The following CNTN3 variants were observed in gnomAD, a reference collection of about 807,000 sequenced individuals.
The protein encoded by CNTN3 is contactin-3.
CNTN3 carries 60 observed loss-of-function variants against 119.1 expected under a neutral mutation model. The ratio of observed to expected loss-of-function variants is 0.50; its 90% CI spans 0.41 to 0.62. The LOEUF is 0.62. Ranked by LOEUF, CNTN3 falls within the 20% of genes least tolerant of loss-of-function variation. CNTN3 has a pLI of 0.00. For missense variants in CNTN3, 1,101 were observed against 1,242.4 expected, an observed-to-expected ratio of 0.89 and a Z score of 1.71; for synonymous variants, 450 against 438.7, an observed-to-expected ratio of 1.03 and a Z score of -0.32.
chr3:74,567,846 A>G (rs1204017140), intron 1 of CNTN3, among the ~76,000 whole-genome samples: 3 of 152,136 alleles, frequency 2.0e-5, no homozygotes, highest in African/African-American at 7.2e-5. Context: ...GATTCAATAC[A>G]CTGTTGGTTA....
chr3:74,611,733 T>G (rs369582635), intron 1 of CNTN3, among the ~76,000 whole-genome samples: 18 of 152,206 alleles, frequency 1.2e-4, no homozygotes, highest in East Asian at 7.7e-4. Flanking sequence ...TATATATGCA[T>G]GTTAAAAGTA....
At chr3:74,578,182 T>G (rs1002711956) in intron 1 of CNTN3, among the ~76,000 whole-genome samples, 2 of 146,164 alleles carry the variant, frequency 1.4e-5, no homozygotes, top group African/African-American at 5.0e-5. Context: ...GTAAGACAAT[T>G]AAATAACCCC....
At chr3:74,454,441 C>G (rs1242473579) in intron 4 of CNTN3, among the ~76,000 whole-genome samples, 1 of 151,796 alleles carries the variant, frequency 6.6e-6, no homozygotes, top group African/African-American at 2.4e-5. Flanking sequence ...ATACAACACA[C>G]TGATGGGTCT....
intron 11 of CNTN3, among the ~76,000 whole-genome samples, chr3:74,344,390 C>T (rs1478167841): frequency 7.9e-6 from 1 of 127,094 alleles, no homozygotes; most frequent in South Asian, 2.6e-4. Context: ...TACAACCTTA[C>T]ACAGTGGTTT....
chr3:74,437,170 T>C (rs918348351), intron 4 of CNTN3, among the ~76,000 whole-genome samples: 36 of 152,104 alleles, frequency 2.4e-4, no homozygotes, highest in African/African-American at 8.2e-4. Flanking sequence ...TTAAAAACCA[T>C]GTTTCTGGCC....
At chr3:74,311,984 A>G (rs1197583714) in intron 13 of CNTN3, among the ~76,000 whole-genome samples, 1 of 148,912 alleles carries the variant, frequency 6.7e-6, no homozygotes, top group East Asian at 2.0e-4. Flanking sequence ...TGAGTTAAAA[A>G]CTCCACGAAG....
At chr3:74,336,386 T>C in intron 12 of CNTN3, 145 bp downstream of exon 12, 1 of 833,582 alleles carries the variant, frequency 1.2e-6, no homozygotes, top group African/African-American at 1.7e-5. Flanking sequence ...CCCTTGACTT[T>C]CACCTGTTAA....
intron 1 of CNTN3, among the ~76,000 whole-genome samples, chr3:74,591,559 T>C (rs938810234): frequency 6.6e-6 from 1 of 151,788 alleles, no homozygotes; most frequent in African/African-American, 2.4e-5. Flanking sequence ...GTAGTCACTG[T>C]AATGCTATAA....
chr3:74,531,756 A>AG (rs796846791), intron 1 of CNTN3, among the ~76,000 whole-genome samples: 21 of 152,082 alleles, frequency 1.4e-4, no homozygotes, highest in African/African-American at 5.1e-4. Context: ...AGGAAAGCTA[A>AG]GGGTGCAGAG....
Position 74,486,554 on chromosome 3 carries a change from A to G in CNTN3, c.260T>C (p.Ile87Thr). 1 of 1,610,320 alleles carries G rather than the reference A, an allele frequency of 6.2e-7. No homozygotes were observed. The highest frequency in any genetic ancestry group is 8.5e-7 in the Non-Finnish European group (1 of 1,179,168). Reference sequence around the variant, plus strand: ...TGTATCCCAATTTCTGTTGGGATTAATAACCACAAGATTTCCTCCATTCAA... The same window carrying G: ...TGTATCCCAATTTCTGTTGGGATTAGTAACCACAAGATTTCCTCCATTCAA... Reference protein sequence around the residue: ...YKLNGGNLVVINPNRNWDTGT... With the variant: ...YKLNGGNLVVTNPNRNWDTGT... The change falls in exon 4 of 23, where the codon ATT (isoleucine) becomes ACT (threonine). Residue 87 changes from isoleucine to threonine, a missense_variant. By Grantham distance (89) the Ile-to-Thr change is moderately conservative. Coordinates refer to ENST00000263665, the MANE Select transcript of CNTN3 (RefSeq NM_020872.3).
At chr3:74,460,095 T>G (rs1227406472) in intron 4 of CNTN3, among the ~76,000 whole-genome samples, 1 of 152,004 alleles carries the variant, frequency 6.6e-6, no homozygotes, top group Non-Finnish European at 1.5e-5. Flanking sequence ...TACTTTCAGA[T>G]TCTCTATTTT....
chr3:74,444,745 A>G (rs1435934704), intron 4 of CNTN3, among the ~76,000 whole-genome samples: 1 of 152,166 alleles, frequency 6.6e-6, no homozygotes, highest in African/African-American at 2.4e-5. Context: ...CATTTTCAGC[A>G]AAAACTTAAA....
At chr3:74,291,427 T>A (rs113209599) in intron 19 of CNTN3, among the ~76,000 whole-genome samples, 1 of 152,174 alleles carries the variant, frequency 6.6e-6, no homozygotes, top group Admixed American at 6.5e-5. Flanking sequence ...GTAATGGGAT[T>A]GCTGGGTCAA....
At chr3:74,530,906 C>T (rs1206245283) in intron 1 of CNTN3, among the ~76,000 whole-genome samples, 2 of 151,852 alleles carry the variant, frequency 1.3e-5, no homozygotes, top group African/African-American at 4.8e-5. Flanking sequence ...CATGGAAGAA[C>T]CACTGGAAGA....
Position 74,558,623 on chromosome 3 carries a change from T to G in CNTN3, c.-80-37431A>C, listed in dbSNP as rs563871691. ...CTTGATCCACTATTGACTATCTCTT[T>G]GCCCTTCAGTAAATTACTTGACATT... On this transcript the variant is annotated intron_variant, in intron 1 of 22. Coordinates refer to ENST00000263665, the MANE Select transcript of CNTN3 (RefSeq NM_020872.3). Among the ~76,000 whole-genome samples the G allele has an allele frequency of 3.3e-5, 5 of 152,306 alleles. No individual in the cohort carries two copies. In the South Asian group the frequency reaches 1.0e-3, roughly 32 times the overall value.
intron 1 of CNTN3, among the ~76,000 whole-genome samples, chr3:74,554,640 G>T (rs1704042669): frequency 6.6e-6 from 1 of 152,102 alleles, no homozygotes; most frequent in Non-Finnish European, 1.5e-5. Flanking sequence ...CACATCCCTT[G>T]TAAGTTGGAC....
intron 5 of CNTN3, among the ~76,000 whole-genome samples, chr3:74,406,770 A>G (rs1195010118): frequency 6.6e-6 from 1 of 151,856 alleles, no homozygotes; most frequent in African/African-American, 2.4e-5. Context: ...ATATATGCAC[A>G]CACACATACA....
chr3:74,539,466 C>G (rs1250452323), intron 1 of CNTN3, among the ~76,000 whole-genome samples: 1 of 152,038 alleles, frequency 6.6e-6, no homozygotes, highest in Non-Finnish European at 1.5e-5. Flanking sequence ...GATTTGCCCA[C>G]CATCACCAAG....
At chr3:74,421,443 A>G (rs1029740160) in intron 5 of CNTN3, among the ~76,000 whole-genome samples, 1 of 152,196 alleles carries the variant, frequency 6.6e-6, no homozygotes. Context: ...GTGCTGGATT[A>G]CAGGCATGAG....
Sources: allele counts gnomAD v4.1 joint callset (sites outside exome capture counted in the v4.1 genomes callset), GRCh38; gene constraint gnomAD v4.1.1; transcripts MANE v1.5; gene names NCBI Gene and HGNC (gene_info 2026-07-23, HGNC 2026-07-21).